The following QRICH2 variants were observed in gnomAD, a reference collection of about 807,000 sequenced individuals.
QRICH2 encodes glutamine-rich protein 2.
A neutral mutation model predicts 168.3 loss-of-function variants in QRICH2; 119 were observed. The ratio of observed to expected loss-of-function variants is 0.71; its 90% CI spans 0.61 to 0.82. QRICH2 has a LOEUF of 0.82. Among genes scored for constraint, QRICH2 ranks in the 40% least tolerant of loss-of-function variants. QRICH2 has a pLI of 0.00. For synonymous variants in QRICH2, 894 were observed against 951.2 expected, an observed-to-expected ratio of 0.94 and a Z score of 1.11; for missense variants, 2,241 against 2,491.6, an observed-to-expected ratio of 0.90 and a Z score of 2.14.
At chr17:76,287,047 C>CAT (rs1295908192) in intron 7 of QRICH2, 145 bp downstream of exon 7, 5 of 183,638 alleles carry the variant, frequency 2.7e-5, no homozygotes, top group Admixed American at 5.8e-5. Context: ...CCACATAACA[C>CAT]ACACACACAC....
Position 76,280,170 on chromosome 17 carries a change from AG to A in QRICH2, c.4627-17del, listed in dbSNP as rs1424544178. ...GGCGGTCCAGCTGTGGCGGGGAAAG[AG>A]GGGCCAGGGGACCTCTAAGGAAGCA... is the stretch of plus-strand genomic sequence containing the variant. On this transcript the variant is annotated splice_polypyrimidine_tract_variant and intron_variant, in intron 11 of 18. Coordinates refer to ENST00000680821, the MANE Select transcript of QRICH2 (RefSeq NM_001388453.1). This position sits in a 1 kb window ranked among gnomAD's most constrained non-coding sequence, Gnocchi z 7.4. The A allele has an allele frequency of 1.2e-6, 2 of 1,611,570 alleles. No individual in the cohort carries two copies. Among genetic ancestry groups the A allele is most frequent in the Non-Finnish European group, 1.7e-6 (2 of 1,178,590 alleles).
chr17:76,279,528 T>C lies in QRICH2; in HGVS notation c.4749-100A>G, dbSNP rs532027322. ...CCCCTGGAAGCTCAGCCCACCAGGG[T>C]GCAGATCATGTCCCTGCTCCCCAGG... On this transcript the variant is annotated intron_variant, in intron 12 of 18. Transcript: ENST00000680821. 3 of 852,940 alleles carry C rather than the reference T, an allele frequency of 3.5e-6. No homozygotes were observed. The South Asian group carries it at 4.6e-5, about 13-fold the overall frequency. The allele number at this position is 852,940 out of a possible 1,614,324, so 52.8% of individuals were successfully genotyped here.
At chr17:76,289,027 C>T (rs2070940670) in intron 5 of QRICH2, among the ~76,000 whole-genome samples, 1 of 150,858 alleles carries the variant, frequency 6.6e-6, no homozygotes, top group Admixed American at 6.6e-5. Context: ...TGGCGTGAAC[C>T]TGGGAGGTGG....
In QRICH2 at chr17:76,293,605, A is replaced by G. The variant is rs544752179; in HGVS notation, c.1122T>C (p.Ser374=). ...QDLPLARDQP[S]SVPASQSQVH... ...CCTGACTCTGGCTAGCGGGCACACT[A>G]CTGGGCTGGTCTCTGGCCAAGGGTA... The change falls in exon 4 of 19, where the codon AGT becomes AGC. Residue 374 remains serine, a synonymous_variant. Transcript: ENST00000680821. 6.8e-6 allele frequency: 11 copies of G among 1,613,986 alleles called. No individual in the cohort carries two copies. The highest frequency in any genetic ancestry group is 9.3e-6 in the Non-Finnish European group (11 of 1,180,004).
Position 76,275,956 on chromosome 17 carries a change from G to A in QRICH2, c.5354-9C>T. 4 of 1,605,752 alleles carry A rather than the reference G, an allele frequency of 2.5e-6. No individual in the cohort carries two copies. Among genetic ancestry groups the A allele is most frequent in the Non-Finnish European group, 2.5e-6 (3 of 1,179,788 alleles). Reference sequence around the variant, plus strand: ...CTTTGAGGTCCCTGAGCCTGATGGGGGACAGGAGGGAAGGGTCAGTGCTGA... The same window carrying A: ...CTTTGAGGTCCCTGAGCCTGATGGGAGACAGGAGGGAAGGGTCAGTGCTGA... On this transcript the variant is annotated splice_polypyrimidine_tract_variant and intron_variant, in intron 17 of 18. Transcript: ENST00000680821.
At position 76,279,070 on chromosome 17, in the gene QRICH2, T is replaced by A. The variant is rs1333446998; in HGVS notation, c.4887A>T (p.Glu1629Asp). 6.2e-7 allele frequency: 1 copy of A among 1,613,982 alleles called. No homozygotes were observed. Among genetic ancestry groups the A allele is most frequent in the South Asian group, 1.1e-5 (1 of 91,072 alleles). Residue 1629 changes from glutamate (E) to aspartate (D), a missense_variant, in exon 14 of 19, where the codon GAA becomes GAT. Glu to Asp is a conservative substitution (Grantham distance 45). Coordinates refer to ENST00000680821, the MANE Select transcript of QRICH2 (RefSeq NM_001388453.1). Reference sequence around the variant, plus strand: ...GGCTATGCTGCCGGACCTGCTCCAGTTCAAACACCGTGTAGGGGCGGATGG... The same window carrying A: ...GGCTATGCTGCCGGACCTGCTCCAGATCAAACACCGTGTAGGGGCGGATGG... ...HHSIRPYTVF[E>D]LEQVRQHSRN...
At chr17:76,287,088 A>ACACACACAC in intron 7 of QRICH2, 104 bp downstream of exon 7, 2 of 331,970 alleles carry the variant, frequency 6.0e-6, no homozygotes, top group Non-Finnish European at 5.0e-6. Flanking sequence ...ACACACACAC[A>ACACACACAC]TGATGGGAGG....
intron 15 of QRICH2, 118 bp from the exon 16 acceptor site, chr17:76,277,428 G>A (rs568950082): frequency 8.7e-5 from 109 of 1,246,732 alleles, no homozygotes; most frequent in African/African-American, 6.4e-4. Flanking sequence ...GGGGGCTGCC[G>A]GGAGGCTGAG....
chr17:76,305,000 T>TGC, intron 1 of QRICH2, 59 bp from the exon 2 acceptor site: 1 of 1,113,724 alleles, frequency 9.0e-7, no homozygotes, highest in South Asian at 1.2e-5. Flanking sequence ...CACACTCACA[T>TGC]GCACACACAC....
Position 76,291,529 on chromosome 17 carries a change from T to C in QRICH2, c.3198A>G (p.Thr1066=). The C allele has an allele frequency of 6.2e-7, 1 of 1,613,046 alleles. No homozygotes were observed. The highest frequency in any genetic ancestry group is 8.5e-7 in the Non-Finnish European group (1 of 1,179,536). ...TDQHSPIPLS[T]GLGSTHPDQQ... is the part of the protein sequence containing the mutation. ...GATCTGGGTGTGTAGATCCCAAACC[T>C]GTACTCAGTGGTATTGGGCTGTGCT... Residue 1066 remains threonine, a synonymous_variant, in exon 4 of 19, where the codon ACA becomes ACG. Transcript: ENST00000680821.
Position 76,307,909 on chromosome 17 carries a change from C to T in QRICH2, c.90G>A (p.Leu30=). Reference sequence around the variant, plus strand: ...TGAGCATGGCCACGATGAGCGTGTGCAGGGCCGTGAAGTTGACGGCGCCCA... The same window carrying T: ...TGAGCATGGCCACGATGAGCGTGTGTAGGGCCGTGAAGTTGACGGCGCCCA... The part of the protein sequence containing the change: ...PEVGAVNFTA[L]HTLIVAMLKN... Residue 30 remains leucine (L), a synonymous_variant, in exon 1 of 19, where the codon CTG becomes CTA. Coordinates refer to ENST00000680821, the MANE Select transcript of QRICH2 (RefSeq NM_001388453.1). This position sits in a 1 kb window ranked among gnomAD's most constrained non-coding sequence, Gnocchi z 5.3. 1.6e-6 allele frequency: 2 copies of T among 1,249,572 alleles called. No individual in the cohort carries two copies. The highest frequency in any genetic ancestry group is 1.0e-6 in the Non-Finnish European group (1 of 998,042). 77.4% of individuals were successfully genotyped at this position (1,249,572 alleles called of 1,614,324 possible).
Position 76,308,242 on chromosome 17 carries a change from C to G in QRICH2, c.-244G>C. 2.0e-6 allele frequency: 2 copies of G among 985,448 alleles called. No individual in the cohort carries two copies. Among genetic ancestry groups the G allele is most frequent in the Non-Finnish European group, 2.4e-6 (2 of 829,906 alleles). The allele number at this position is 985,448 out of a possible 1,614,324, so 61.0% of individuals were successfully genotyped here. A position where few individuals can be genotyped will look rare whatever the true frequency, so the allele number is the denominator to read the frequency against. ...CTGGCCTCGGGTCCCCGAGCTGGAG[C>G]CCTGGACTCCCAGTCCCCGCGCCGG... On this transcript the variant is annotated 5_prime_UTR_variant, in exon 1 of 19. Coordinates refer to ENST00000680821, the MANE Select transcript of QRICH2 (RefSeq NM_001388453.1).
intron 13 of QRICH2, 29 bp downstream of exon 13, chr17:76,279,334 G>A (rs928367447): frequency 6.3e-7 from 1 of 1,597,496 alleles, no homozygotes; most frequent in South Asian, 1.1e-5. Context: ...TGCCATGCGA[G>A]GCCACGTGCC....
intron 3 of QRICH2, among the ~76,000 whole-genome samples, chr17:76,301,694 T>A (rs2070902134): frequency 7.8e-6 from 1 of 128,780 alleles, no homozygotes; most frequent in African/African-American, 3.3e-5. Context: ...GAGTTGGTGG[T>A]GTTTTATAAT....
intron 3 of QRICH2, among the ~76,000 whole-genome samples, chr17:76,302,074 T>C (rs760590075): frequency 1.3e-5 from 2 of 152,138 alleles, no homozygotes; most frequent in Non-Finnish European, 2.9e-5. Flanking sequence ...AATTTTTGTA[T>C]TTTTAGTAGA....
chr17:76,303,779 A>T (rs537792932), intron 3 of QRICH2, among the ~76,000 whole-genome samples: 2 of 150,114 alleles, frequency 1.3e-5, no homozygotes, highest in African/African-American at 4.9e-5. Context: ...AGGCTGAGAC[A>T]GGAGAATGGC....
At chr17:76,288,533 T>C (rs2070932787) in intron 5 of QRICH2, among the ~76,000 whole-genome samples, 1 of 150,406 alleles carries the variant, frequency 6.6e-6, no homozygotes, top group Non-Finnish European at 1.5e-5. Context: ...GGTGAAACCC[T>C]GTCTCTACTA....
At chr17:76,285,503 A>C (rs1034620743) in intron 7 of QRICH2, among the ~76,000 whole-genome samples, 1 of 151,326 alleles carries the variant, frequency 6.6e-6, no homozygotes, top group African/African-American at 2.4e-5. Flanking sequence ...CCTGACCTCA[A>C]GTGATCTACC....
intron 17 of QRICH2, 30 bp downstream of exon 17, chr17:76,276,650 G>A (rs1408028816): frequency 6.3e-7 from 1 of 1,576,594 alleles, no homozygotes; most frequent in Middle Eastern, 1.7e-4. Context: ...ACCCACGTGA[G>A]GTGCCTGGGG....
Sources: gnomAD v4.1 joint callset for allele counts (sites outside exome capture counted in the v4.1 genomes callset) on GRCh38, gnomAD v4.1.1 for gene constraint, Gnocchi (gnomAD v3.1) non-coding constraint, MANE v1.5 for transcripts, NCBI Gene and HGNC (gene_info 2026-07-23, HGNC 2026-07-21) for gene names.